Variants in ABCE1 observed in about 807,000 individuals in gnomAD.
The protein encoded by ABCE1 is ATP-binding cassette sub-family E member 1.
In ABCE1, 22 loss-of-function variants were observed where a neutral mutation model predicts 83.4. That is an observed-to-expected ratio of 0.26 (90% confidence interval 0.19 to 0.38). ABCE1 has a LOEUF of 0.38. ABCE1 is among the 10% of genes least tolerant of loss of function. The pLI, the probability that ABCE1 is intolerant of heterozygous loss-of-function variation, is 1.00. For missense variants in ABCE1, 330 were observed against 721.9 expected (o/e 0.46, Z 6.22); for synonymous variants, 204 against 233.7 (o/e 0.87, Z 1.16).
chr4:145,123,210 A>C lies in ABCE1; in HGVS notation c.1375-5A>C. The stretch of plus-strand genomic sequence containing the variant: ...TTACATGGTTTGCTAAACTCCTCCA[A>C]TTAGGTGCAGACATTATCTGGTGGT... On this transcript the variant is annotated splice_region_variant and splice_polypyrimidine_tract_variant and intron_variant, in intron 14 of 17. Transcript: ENST00000296577. 1 of 1,597,398 alleles carries C rather than the reference A, an allele frequency of 6.3e-7. No homozygotes were observed. The highest frequency in any genetic ancestry group is 1.1e-5 in the South Asian group (1 of 87,600).
chr4:145,125,839 C>T (rs1474439141), intron 17 of ABCE1, among the ~76,000 whole-genome samples: 2 of 152,052 alleles, frequency 1.3e-5, no homozygotes, highest in South Asian at 2.1e-4. Context: ...CCAAGGAGAT[C>T]GAGACCATCC....
intron 15 of ABCE1, 32 bp downstream of exon 15, chr4:145,123,389 T>C: frequency 1.3e-6 from 2 of 1,595,458 alleles, no homozygotes; most frequent in Non-Finnish European, 1.7e-6. Context: ...ATATTTTGAT[T>C]ATGTATACTG....
At chr4:145,113,916 G>T (rs1218650130) in intron 9 of ABCE1, among the ~76,000 whole-genome samples, 21 of 152,012 alleles carry the variant, frequency 1.4e-4, no homozygotes, top group Admixed American at 1.4e-3. Context: ...TGGAAAGAAG[G>T]TTCAGAAACC....
intron 17 of ABCE1, among the ~76,000 whole-genome samples, chr4:145,125,932 T>A (rs1017835728): frequency 6.6e-6 from 1 of 151,912 alleles, no homozygotes; most frequent in Non-Finnish European, 1.5e-5. Context: ...TCCCAGCTAC[T>A]CGGGAGGCTG....
rs184256539 is a variant in ABCE1, at chr4:145,119,256, G to A, written c.923-676G>A. 6.6e-5 allele frequency among the ~76,000 whole-genome samples: 10 copies of A among 151,918 alleles called. No homozygotes were observed. In the East Asian group the frequency reaches 1.9e-3, roughly 29 times the overall value. On this transcript the variant is annotated intron_variant, in intron 10 of 17. Coordinates refer to ENST00000296577, the MANE Select transcript of ABCE1 (RefSeq NM_002940.3). ...TTAAATATAGGAAACACTGAAATAT[G>A]GATTATTCATTGTTTCTCAAATACG...
Position 145,123,256 on chromosome 4 carries a change from A to T in ABCE1, c.1416A>T (p.Leu472Phe). ...GTGGTGAACTACAGCGAGTAGCTTT[A>T]GCCCTTTGCTTGGGCAAACCTGCTG... The part of the protein sequence containing the change: ...LSGGELQRVA[L>F]ALCLGKPADV... The change falls in exon 15 of 18, where the codon TTA becomes TTT. Residue 472 changes from leucine (L) to phenylalanine (F), a missense_variant. Leu to Phe is a conservative substitution (Grantham distance 22, BLOSUM62 0). Coordinates refer to ENST00000296577, the MANE Select transcript of ABCE1 (RefSeq NM_002940.3). The T allele has an allele frequency of 6.2e-7, 1 of 1,612,352 alleles. No individual in the cohort carries two copies. Among genetic ancestry groups the T allele is most frequent in the African/African-American group, 1.3e-5 (1 of 74,960 alleles).
At chr4:145,115,860 G>A (rs1749595344) in intron 9 of ABCE1, among the ~76,000 whole-genome samples, 1 of 151,852 alleles carries the variant, frequency 6.6e-6, no homozygotes, top group Non-Finnish European at 1.5e-5. Context: ...AGTACACAGT[G>A]TAAGACTAAA....
intron 1 of ABCE1, among the ~76,000 whole-genome samples, chr4:145,100,317 C>T (rs972952600): frequency 3.9e-5 from 6 of 152,210 alleles, no homozygotes; most frequent in African/African-American, 1.4e-4. Context: ...TCACTGCCCT[C>T]AGCCAGGACA....
intron 13 of ABCE1, 59 bp downstream of exon 13, chr4:145,121,450 T>A: frequency 7.9e-7 from 1 of 1,259,434 alleles, no homozygotes; most frequent in Non-Finnish European, 1.1e-6. Flanking sequence ...GCCTATAGCT[T>A]TCATCTTTTA....
intron 9 of ABCE1, among the ~76,000 whole-genome samples, chr4:145,112,852 G>C (rs1440155252): frequency 6.6e-6 from 1 of 152,146 alleles, no homozygotes; most frequent in Non-Finnish European, 1.5e-5. Context: ...GGAATCTTTA[G>C]ATGGTATTCC....
chr4:145,105,752 G>T (rs1749285742), intron 3 of ABCE1, 62 bp downstream of exon 3: 2 of 1,215,440 alleles, frequency 1.6e-6, no homozygotes, highest in Non-Finnish European at 2.4e-6. Flanking sequence ...TGAAAATTCT[G>T]GATACTATGC....
At chr4:145,115,959 G>A (rs1016563475) in intron 9 of ABCE1, among the ~76,000 whole-genome samples, 3 of 151,902 alleles carry the variant, frequency 2.0e-5, no homozygotes, top group Non-Finnish European at 4.4e-5. Context: ...AAAAGTCCAA[G>A]TATCAGTCCA....
chr4:145,109,297 G>T, intron 5 of ABCE1, 48 bp downstream of exon 5: 1 of 1,100,810 alleles, frequency 9.1e-7, no homozygotes. Context: ...TCAGTTTTAT[G>T]AGATTTTGGG....
chr4:145,124,932 A>G, intron 16 of ABCE1, 58 bp from the exon 17 acceptor site: 1 of 1,213,796 alleles, frequency 8.2e-7, no homozygotes. Context: ...TCCTCTCAAA[A>G]GGTAGTTACA....
At chr4:145,120,983 A>T (rs1311139434) in intron 11 of ABCE1, 191 bp from the exon 12 acceptor site, 19 of 571,222 alleles carry the variant, frequency 3.3e-5, no homozygotes, top group Non-Finnish European at 5.6e-5. Flanking sequence ...ATTCCTCTTA[A>T]TTACCTTAGA....
chr4:145,119,989 C>T lies in ABCE1; in HGVS notation c.980C>T (p.Ala327Val). Residue 327 changes from alanine to valine, a missense_variant, in exon 11 of 18, where the codon GCA becomes GTA. Physicochemically the swap from Ala to Val is moderately conservative, Grantham distance 64. Transcript: ENST00000296577. ...ACAGAAAACTTGAGATTCAGAGATG[C>T]ATCACTTGTTTTTAAAGTGGCTGAG... ...VPTENLRFRD[A>V]SLVFKVAETA... 6.2e-7 allele frequency: 1 copy of T among 1,612,578 alleles called. No individual in the cohort carries two copies. Among genetic ancestry groups the T allele is most frequent in the South Asian group, 1.1e-5 (1 of 90,938 alleles).
chr4:145,104,348 A>T, intron 1 of ABCE1, 38 bp from the exon 2 acceptor site: 1 of 1,019,170 alleles, frequency 9.8e-7, no homozygotes, highest in African/African-American at 1.6e-5. Context: ...TAGTTCCCTT[A>T]ACTAATGGCA....
chr4:145,122,402 A>T (rs1028628472), intron 13 of ABCE1: 1 of 152,208 alleles, frequency 6.6e-6, no homozygotes, highest in African/African-American at 2.4e-5. Context: ...AGGTTGCTTG[A>T]TACCCACTTT....
At chr4:145,124,353 CTTTT>C (rs759098353) in intron 16 of ABCE1, among the ~76,000 whole-genome samples, 3 of 143,678 alleles carry the variant, frequency 2.1e-5, no homozygotes, top group Admixed American at 7.0e-5. Context: ...CCCTGAATTC[CTTTT>C]TTTTTTTTAT....
Sources: allele counts gnomAD v4.1 joint callset (sites outside exome capture counted in the v4.1 genomes callset), GRCh38; gene constraint gnomAD v4.1.1; transcripts MANE v1.5; gene names NCBI Gene and HGNC (gene_info 2026-07-23, HGNC 2026-07-21).